The following LPAR6 variants were observed in gnomAD, a reference collection of about 807,000 sequenced individuals.
LPAR6 encodes the protein G-protein coupled purinergic receptor P2Y5.
A neutral mutation model predicts 22.0 loss-of-function variants in LPAR6; 17 were observed. The observed-to-expected ratio is 0.77, with a 90% confidence interval of 0.53 to 1.16. The LOEUF is 1.16. Ranked by LOEUF, LPAR6 falls within the 50% of genes most tolerant of loss-of-function variation. The pLI is 0.00. For synonymous variants in LPAR6, 136 were observed against 139.8 expected (o/e 0.97, Z 0.19); for missense variants, 384 against 406.9 (o/e 0.94, Z 0.48).
At chr13:48,425,487 T>C (rs1949066798) in intron 1 of LPAR6, among the ~76,000 whole-genome samples, 1 of 152,164 alleles carries the variant, frequency 6.6e-6, no homozygotes, top group South Asian at 2.1e-4. Flanking sequence ...CTTTCAAAAA[T>C]TTTTCACCTA....
chr13:48,403,423 G>T (rs1178708346), intron 1 of LPAR6, among the ~76,000 whole-genome samples: 4 of 152,046 alleles, frequency 2.6e-5, no homozygotes, highest in African/African-American at 9.7e-5. Flanking sequence ...AAGTGGAGGA[G>T]TTGATTCATT....
chr13:48,412,412 A>G lies in LPAR6; in HGVS notation c.12T>C (p.Val4=). The change falls in exon 1 of 1, where the codon GTT becomes GTC. Residue 4 remains valine (V), a synonymous_variant. Transcript: ENST00000620633. MVS[V]NSSHCFYNDS... ...CATTATAGAAGCAGTGGGAGCTGTT[A>G]ACGCTTACCATCGTAAAGGCACGTC... The G allele has an allele frequency of 6.2e-7, 1 of 1,613,486 alleles. No homozygotes were observed. The highest frequency in any genetic ancestry group is 8.5e-7 in the Non-Finnish European group (1 of 1,179,400).
downstream of LPAR6, among the ~76,000 whole-genome samples, chr13:48,409,613 G>T (rs915101156): frequency 8.9e-6 from 1 of 112,136 alleles, no homozygotes; most frequent in Non-Finnish European, 1.6e-5. Context: ...ATGGAGTCTC[G>T]CTCTGTCGCC....
At chr13:48,416,940 C>T (rs915071903), upstream of LPAR6, among the ~76,000 whole-genome samples, 2 of 152,184 alleles carry the variant, frequency 1.3e-5, no homozygotes, top group Non-Finnish European at 2.9e-5. Context: ...GATAAAACTG[C>T]CATCTCCCTG....
At chr13:48,440,163 G>A (rs1280684509) in intron 1 of LPAR6, among the ~76,000 whole-genome samples, 1 of 152,088 alleles carries the variant, frequency 6.6e-6, no homozygotes, top group East Asian at 1.9e-4. Context: ...GTTTAATAAA[G>A]CTTCCTTGGG....
chr13:48,395,544 C>A (rs1025747375), intron 1 of LPAR6, among the ~76,000 whole-genome samples: 7 of 151,450 alleles, frequency 4.6e-5, no homozygotes, highest in African/African-American at 1.7e-4. Context: ...AATGACCTGA[C>A]GGAACTGAAA....
chr13:48,430,203 A>G (rs1949115109), upstream of LPAR6, among the ~76,000 whole-genome samples: 1 of 152,254 alleles, frequency 6.6e-6, no homozygotes, highest in African/African-American at 2.4e-5. Flanking sequence ...GTCCAGAAAT[A>G]ATCCCATACC....
chr13:48,443,219 A>C (rs2138311964), intron 1 of LPAR6, among the ~76,000 whole-genome samples: 1 of 151,768 alleles, frequency 6.6e-6, no homozygotes, highest in East Asian at 2.0e-4. Context: ...AAAAATGCTT[A>C]GCTATTTTTT....
chr13:48,420,937 T>C (rs1239522882), intron 2 of LPAR6, among the ~76,000 whole-genome samples: 1 of 152,178 alleles, frequency 6.6e-6, no homozygotes, highest in Non-Finnish European at 1.5e-5. Context: ...GAAGAATCAA[T>C]CTTGTGAAAA....
chr13:48,432,601 G>T (rs1231312142), intron 1 of LPAR6, among the ~76,000 whole-genome samples: 1 of 151,738 alleles, frequency 6.6e-6, no homozygotes, highest in Non-Finnish European at 1.5e-5. Context: ...TTAATGCTTT[G>T]GTTAGCATCC....
At chr13:48,425,924 T>C (rs1949073350) in intron 1 of LPAR6, among the ~76,000 whole-genome samples, 1 of 152,124 alleles carries the variant, frequency 6.6e-6, no homozygotes, top group Non-Finnish European at 1.5e-5. Context: ...GATTACAAAG[T>C]GATTATTGGT....
At chr13:48,434,922 A>G (rs184364383) in intron 1 of LPAR6, among the ~76,000 whole-genome samples, 85 of 152,266 alleles carry the variant, frequency 5.6e-4, no homozygotes, top group Non-Finnish European at 9.9e-4. Flanking sequence ...GCTGACTAGT[A>G]TTTTGTAGCA....
At chr13:48,398,744 C>T (rs76606218) in intron 1 of LPAR6, among the ~76,000 whole-genome samples, 1,918 of 152,064 alleles carry the variant, frequency 0.013, 44 homozygotes, top group African/African-American at 0.044. Context: ...GTTTTTACTA[C>T]CTCTATAATA....
At chr13:48,432,934 C>A (rs899670368) in intron 1 of LPAR6, among the ~76,000 whole-genome samples, 2 of 152,014 alleles carry the variant, frequency 1.3e-5, no homozygotes, top group Admixed American at 1.3e-4. Flanking sequence ...TCAGTCTTTG[C>A]TATTATGCTT....
rs1948837159 is a variant in LPAR6 at position 48,412,674 on chromosome 13, C to A, written c.-251G>T. The A allele has an allele frequency of 5.6e-6, 3 of 532,068 alleles. No individual in the cohort carries two copies. In the Middle Eastern group the frequency reaches 1.6e-3, roughly 288 times the overall value. 33.0% of individuals were successfully genotyped at this position (532,068 alleles called of 1,614,324 possible). A position where few individuals can be genotyped will look rare whatever the true frequency, so the allele number is the denominator to read the frequency against. On this transcript the variant is annotated 5_prime_UTR_variant, in exon 1 of 1. Transcript: ENST00000620633. Reference sequence around the variant, plus strand: ...TTAGTCTTTAGAAAATCCATGAATTCCAAGGCTCAGTTAACTGACGAGCAA... The same window carrying A: ...TTAGTCTTTAGAAAATCCATGAATTACAAGGCTCAGTTAACTGACGAGCAA...
At chr13:48,407,420 T>C (rs1218851986), downstream of LPAR6, among the ~76,000 whole-genome samples, 1 of 152,164 alleles carries the variant, frequency 6.6e-6, no homozygotes. Flanking sequence ...GAGAGAGAAG[T>C]TTGCCTGGTG....
chr13:48,423,959 T>A (rs1043603319), intron 1 of LPAR6: 8 of 152,750 alleles, frequency 5.2e-5, no homozygotes, highest in Non-Finnish European at 1.0e-4. Context: ...GACATTGATA[T>A]TTTAAAATTT....
intron 2 of LPAR6, among the ~76,000 whole-genome samples, chr13:48,418,559 G>T (rs978273619): frequency 6.6e-6 from 1 of 152,022 alleles, no homozygotes; most frequent in African/African-American, 2.4e-5. Context: ...AAGTAAACGG[G>T]CTAAGTGCCA....
At chr13:48,390,183 A>G (rs1426934584) in intron 1 of LPAR6, among the ~76,000 whole-genome samples, 1 of 152,200 alleles carries the variant, frequency 6.6e-6, no homozygotes, top group Non-Finnish European at 1.5e-5. Flanking sequence ...CCCAAAACAA[A>G]CAAACAAAAA....
Sources: allele counts gnomAD v4.1 joint callset (sites outside exome capture counted in the v4.1 genomes callset), GRCh38; gene constraint gnomAD v4.1.1; transcripts MANE v1.5; gene names NCBI Gene and HGNC (gene_info 2026-07-23, HGNC 2026-07-21).